The following PBRM1 variants were observed in gnomAD, a reference collection of about 807,000 sequenced individuals.
PBRM1 encodes protein polybromo-1.
PBRM1 carries 27 observed loss-of-function variants against 194.5 expected under a neutral mutation model. That is an observed-to-expected ratio of 0.14 (90% CI 0.10 to 0.19). PBRM1 has a LOEUF of 0.19. Among genes scored for constraint, PBRM1 ranks in the 10% least tolerant of loss-of-function variants. The pLI is 1.00. For missense variants in PBRM1, 1,466 were observed against 2,077.2 expected, an observed-to-expected ratio of 0.71 and a Z score of 5.72; for synonymous variants, 655 against 693.2, an observed-to-expected ratio of 0.94 and a Z score of 0.87.
At chr3:52,632,837 G>A (rs906390656) in intron 11 of PBRM1, among the ~76,000 whole-genome samples, 18 of 151,858 alleles carry the variant, frequency 1.2e-4, no homozygotes, top group African/African-American at 4.4e-4. Flanking sequence ...AGGATTACTG[G>A]CTCCTGCCAC....
At chr3:52,546,809 C>T (rs562785230), downstream of PBRM1, 19 of 233,174 alleles carry the variant, frequency 8.1e-5, no homozygotes, top group Non-Finnish European at 1.6e-4. Flanking sequence ...CTGTAATGGT[C>T]TTTCTAGTAA....
chr3:52,572,940 G>C (rs190630620), intron 22 of PBRM1, among the ~76,000 whole-genome samples: 1 of 152,100 alleles, frequency 6.6e-6, no homozygotes, highest in Non-Finnish European at 1.5e-5. Flanking sequence ...TGGAGGCTGG[G>C]GACAGTGAAT....
chr3:52,615,005 T>C (rs994928176), intron 15 of PBRM1, among the ~76,000 whole-genome samples: 1 of 152,216 alleles, frequency 6.6e-6, no homozygotes, highest in African/African-American at 2.4e-5. Flanking sequence ...TTTTTAATTC[T>C]AGTAATTGTC....
Position 52,557,225 on chromosome 3 carries a change from C to T in PBRM1, c.4453+1024G>A, listed in dbSNP as rs559687256. Among the ~76,000 whole-genome samples, 15 of 152,248 alleles carry T rather than the reference C, an allele frequency of 9.9e-5. No individual in the cohort carries two copies. In the South Asian group the frequency reaches 2.1e-3, roughly 21 times the overall value. On this transcript the variant is annotated intron_variant, in intron 26 of 29. Coordinates refer to ENST00000296302, the Ensembl canonical transcript of PBRM1. ...AAGCCATGATTCAGATGTGCTTTGG[C>T]GAGTGCAACTGCTGAGTTCAGCGAC...
intron 14 of PBRM1, among the ~76,000 whole-genome samples, chr3:52,615,776 T>C (rs2094919621): frequency 6.6e-6 from 1 of 152,254 alleles, no homozygotes; most frequent in African/African-American, 2.4e-5. Context: ...TTCAAAAACC[T>C]TTCTTCTCCA....
chr3:52,549,614 A>C (rs753811704), intron 29 of PBRM1, among the ~76,000 whole-genome samples: 31 of 152,184 alleles, frequency 2.0e-4, no homozygotes, highest in Non-Finnish European at 3.5e-4. Context: ...AACCACAACA[A>C]CACTTTTAGG....
chr3:52,640,729 C>A (rs1399718260), intron 10 of PBRM1, among the ~76,000 whole-genome samples: 1 of 151,738 alleles, frequency 6.6e-6, no homozygotes, highest in African/African-American at 2.4e-5. Flanking sequence ...GCAGTCTCCA[C>A]TTCCTCGGTT....
upstream of PBRM1, among the ~76,000 whole-genome samples, chr3:52,683,714 AG>A (rs977824692): frequency 7.4e-6 from 1 of 134,540 alleles, no homozygotes; most frequent in Non-Finnish European, 1.6e-5. Flanking sequence ...GGCACTCGAG[AG>A]GGTGAGGCAC....
intron 27 of PBRM1, chr3:52,551,761 G>A (rs1025180001): frequency 3.3e-5 from 5 of 152,198 alleles, no homozygotes; most frequent in African/African-American, 1.2e-4. Flanking sequence ...TAGAAGAATC[G>A]AGAGGAGGTA....
chr3:52,658,329 G>GA lies in PBRM1; in HGVS notation c.529-15dup. ...AGCTGGAGAAGACTGGTAATGTGGA[G>GA]AAAAAAGTACTTTCTAAGAGAAATA... On this transcript the variant is annotated splice_polypyrimidine_tract_variant and intron_variant, in intron 4 of 29. Coordinates refer to ENST00000296302, the Ensembl canonical transcript of PBRM1. 7.5e-7 allele frequency: 1 copy of GA among 1,342,276 alleles called. No homozygotes were observed. Among genetic ancestry groups the GA allele is most frequent in the Non-Finnish European group, 1.1e-6 (1 of 938,896 alleles). 83.1% of individuals were successfully genotyped at this position (1,342,276 alleles called of 1,614,324 possible).
chr3:52,605,535 G>A (rs2094292867), intron 16 of PBRM1, among the ~76,000 whole-genome samples: 1 of 151,646 alleles, frequency 6.6e-6, no homozygotes, highest in Non-Finnish European at 1.5e-5. Flanking sequence ...GCTCCCATCA[G>A]CAAAGGTGAA....
exon 28 of PBRM1, chr3:52,550,755 C>T: frequency 1.9e-6 from 3 of 1,610,908 alleles, no homozygotes; most frequent in Non-Finnish European, 2.5e-6. Context: ...ACCTGTTGTC[C>T]ATATGGACTT....
intron 17 of PBRM1, among the ~76,000 whole-genome samples, chr3:52,593,593 G>A (rs1200014881): frequency 6.6e-6 from 1 of 152,130 alleles, no homozygotes; most frequent in Non-Finnish European, 1.5e-5. Context: ...TCTTAACACT[G>A]CCTTAGCTGT....
chr3:52,623,942 T>A (rs1014036253), intron 13 of PBRM1, among the ~76,000 whole-genome samples: 1 of 152,214 alleles, frequency 6.6e-6, no homozygotes, highest in Non-Finnish European at 1.5e-5. Flanking sequence ...ATTTACCATT[T>A]AATTAAGAAA....
At chr3:52,594,364 A>C (rs1560178057) in intron 17 of PBRM1, among the ~76,000 whole-genome samples, 1 of 152,022 alleles carries the variant, frequency 6.6e-6, no homozygotes, top group Non-Finnish European at 1.5e-5. Context: ...TGTTGGTTTA[A>C]AGTCTGTTTT....
At chr3:52,632,879 A>G (rs1460307142) in intron 11 of PBRM1, among the ~76,000 whole-genome samples, 1 of 151,928 alleles carries the variant, frequency 6.6e-6, no homozygotes, top group Non-Finnish European at 1.5e-5. Flanking sequence ...CTTTTAATGG[A>G]GACGGGGTTT....
At chr3:52,661,524 C>T (rs2096724817) in intron 4 of PBRM1, among the ~76,000 whole-genome samples, 3 of 152,076 alleles carry the variant, frequency 2.0e-5, no homozygotes. Flanking sequence ...CCTGTGATGA[C>T]AGGGTGGGGT....
chr3:52,679,650 T>A lies in PBRM1; in HGVS notation c.62A>T (p.Asp21Val), dbSNP rs1419786453. 3.1e-6 allele frequency: 5 copies of A among 1,614,014 alleles called. No homozygotes were observed. In the Admixed American group the frequency reaches 8.3e-5, roughly 27 times the overall value. The change falls in exon 1 of 30, where the codon GAT becomes GTT. Residue 21 changes from aspartate to valine, a missense_variant. Coordinates refer to ENST00000296302, the Ensembl canonical transcript of PBRM1. ...TGGTGTTGACACAGAATGGTGCCCATCATCAAAGTCCCCGCTGACACTGCT... is the reference window on the plus strand; with the variant it reads ...TGGTGTTGACACAGAATGGTGCCCAACATCAAAGTCCCCGCTGACACTGCT...
chr3:52,619,034 C>T (rs2095133448), intron 13 of PBRM1, among the ~76,000 whole-genome samples: 2 of 152,140 alleles, frequency 1.3e-5, no homozygotes, highest in South Asian at 4.1e-4. Context: ...CAGACTTGAG[C>T]CATCGGGCTC....
Sources: allele counts gnomAD v4.1 joint callset (sites outside exome capture counted in the v4.1 genomes callset), GRCh38; gene constraint gnomAD v4.1.1; transcripts MANE v1.5; gene names NCBI Gene and HGNC (gene_info 2026-07-23, HGNC 2026-07-21).